Variants in ROBO1 observed in about 807,000 individuals in gnomAD.
ROBO1 encodes roundabout homolog 1.
In ROBO1, 149 loss-of-function variants were observed where a neutral mutation model predicts 195.9. The ratio of observed to expected loss-of-function variants is 0.76; its 90% confidence interval spans 0.67 to 0.87. The LOEUF (loss-of-function observed/expected upper bound fraction) is 0.87, where lower values mean the gene tolerates loss of function less well. Ranked by LOEUF, ROBO1 falls within the 40% of genes least tolerant of loss-of-function variation. The probability of loss-of-function intolerance (pLI) is 0.00; values close to 1 mark genes in which losing one functional copy is unlikely to be tolerated. For synonymous variants in ROBO1, 816 were observed against 733.2 expected (o/e 1.11, Z -1.82); for missense variants, 1,933 against 2,068.3 (o/e 0.93, Z 1.27).
At chr3:78,818,035 T>C (rs2030332649) in intron 4 of ROBO1, among the ~76,000 whole-genome samples, 1 of 152,184 alleles carries the variant, frequency 6.6e-6, no homozygotes. Flanking sequence ...CAAAACCACT[T>C]GAACAGCTAC....
At chr3:79,123,767 T>G (rs2108567975) in intron 3 of ROBO1, among the ~76,000 whole-genome samples, 1 of 152,156 alleles carries the variant, frequency 6.6e-6, no homozygotes, top group South Asian at 2.1e-4. Flanking sequence ...TTTATAAGTT[T>G]ATTTCCTCAT....
intron 4 of ROBO1, among the ~76,000 whole-genome samples, chr3:78,871,999 G>C (rs2035581048): frequency 6.6e-6 from 1 of 152,110 alleles, no homozygotes; most frequent in South Asian, 2.1e-4. Context: ...AAACACAAGA[G>C]CTTTTCTGTC....
chr3:79,473,964 G>A (rs1330645397), intron 2 of ROBO1, among the ~76,000 whole-genome samples: 1 of 152,108 alleles, frequency 6.6e-6, no homozygotes, highest in Non-Finnish European at 1.5e-5. Context: ...ACAGTAAAAT[G>A]AGTAAAGCAA....
chr3:78,648,745 A>T (rs2107606809), intron 19 of ROBO1, among the ~76,000 whole-genome samples: 1 of 152,254 alleles, frequency 6.6e-6, no homozygotes, highest in African/African-American at 2.4e-5. Flanking sequence ...CTTTAAAATA[A>T]TCTTTAGTAG....
Position 79,474,141 on chromosome 3 carries a change from A to C in ROBO1, c.88+115683T>G, listed in dbSNP as rs376964308. 2.6e-5 allele frequency among the ~76,000 whole-genome samples: 4 copies of C among 152,140 alleles called. No individual in the cohort carries two copies. The East Asian group carries it at 5.8e-4, about 22-fold the overall frequency. ...ATGTTAGTCAAAAACAGATGACCTCATGCTCTTTCAAGCTTTATACAAGAT... is the reference window on the plus strand; with the variant it reads ...ATGTTAGTCAAAAACAGATGACCTCCTGCTCTTTCAAGCTTTATACAAGAT... On this transcript the variant is annotated intron_variant, in intron 2 of 30. Coordinates refer to ENST00000464233, the MANE Select transcript of ROBO1 (RefSeq NM_002941.4).
At chr3:78,747,737 T>C (rs1036406503) in intron 4 of ROBO1, among the ~76,000 whole-genome samples, 2 of 152,190 alleles carry the variant, frequency 1.3e-5, no homozygotes, top group African/African-American at 4.8e-5. Context: ...AATATTAACA[T>C]ACTGTAAAAC....
rs554094884 is a variant in ROBO1, at chr3:78,827,130, T to C, written c.500-80230A>G. Among the ~76,000 whole-genome samples the C allele has an allele frequency of 5.9e-5, 9 of 152,294 alleles. No homozygotes were observed. The East Asian group carries it at 7.7e-4, about 13-fold the overall frequency. On this transcript the variant is annotated intron_variant, in intron 4 of 30. Coordinates refer to ENST00000464233, the MANE Select transcript of ROBO1 (RefSeq NM_002941.4). ...AGTTAATTTTAATTTCAATTGAATA[T>C]AGAATACTCAATCCATGTGTTTCAA... is the stretch of plus-strand genomic sequence containing the variant.
intron 2 of ROBO1, among the ~76,000 whole-genome samples, chr3:79,438,941 C>A (rs1375899746): frequency 6.6e-6 from 1 of 151,982 alleles, no homozygotes; most frequent in Non-Finnish European, 1.5e-5. Flanking sequence ...GGTATGAAAT[C>A]CTTCCCTTTA....
chr3:78,692,064 A>G (rs895466622), intron 8 of ROBO1, among the ~76,000 whole-genome samples: 11 of 151,482 alleles, frequency 7.3e-5, no homozygotes, highest in African/African-American at 2.4e-4. Flanking sequence ...AATAAAGTAT[A>G]TAAGTATTCA....
chr3:79,219,397 A>G (rs2082101698), intron 2 of ROBO1, among the ~76,000 whole-genome samples: 1 of 151,968 alleles, frequency 6.6e-6, no homozygotes, highest in Non-Finnish European at 1.5e-5. Flanking sequence ...TTTTTAATGG[A>G]CATGTTAGCT....
chr3:78,607,868 A>G (rs1703557773), intron 28 of ROBO1, among the ~76,000 whole-genome samples: 1 of 152,202 alleles, frequency 6.6e-6, no homozygotes. Flanking sequence ...AATCAGAACC[A>G]GGACTAACCA....
At chr3:78,771,235 A>G (rs57046576) in intron 4 of ROBO1, among the ~76,000 whole-genome samples, 37,760 of 151,926 alleles carry the variant, frequency 0.25, 4,849 homozygotes, top group Non-Finnish European at 0.27. Context: ...TGGGTTCTCT[A>G]TTCCATTGCA....
At chr3:78,791,620 C>T (rs1410994151) in intron 4 of ROBO1, among the ~76,000 whole-genome samples, 4 of 152,104 alleles carry the variant, frequency 2.6e-5, no homozygotes, top group Admixed American at 6.5e-5. Context: ...GAGCTTCAGA[C>T]TCCTAAAAAT....
chr3:79,416,964 A>C (rs773280123), intron 2 of ROBO1, among the ~76,000 whole-genome samples: 30 of 152,224 alleles, frequency 2.0e-4, no homozygotes, highest in Non-Finnish European at 4.0e-4. Context: ...TCAGTTAAAA[A>C]AGTAACAATA....
chr3:78,931,327 G>A (rs1489507417), intron 4 of ROBO1, among the ~76,000 whole-genome samples: 2 of 128,358 alleles, frequency 1.6e-5, no homozygotes, highest in East Asian at 2.6e-4. Context: ...TGCAACCTCC[G>A]CCTCCCAGGT....
intron 3 of ROBO1, among the ~76,000 whole-genome samples, chr3:78,941,209 G>A (rs1353049762): frequency 1.3e-5 from 2 of 152,104 alleles, no homozygotes; most frequent in African/African-American, 2.4e-5. Context: ...CTTTAGCTTA[G>A]TGCACGTATA....
At chr3:78,884,724 A>G (rs1285069640) in intron 4 of ROBO1, among the ~76,000 whole-genome samples, 3 of 150,132 alleles carry the variant, frequency 2.0e-5, no homozygotes, top group African/African-American at 7.4e-5. Context: ...AGGAAAGGAA[A>G]GGAAGGAAGG....
chr3:78,871,052 TA>T (rs1328109264), intron 4 of ROBO1, among the ~76,000 whole-genome samples: 4 of 152,188 alleles, frequency 2.6e-5, no homozygotes, highest in African/African-American at 9.7e-5. Context: ...CGTTAGCTGT[TA>T]GGGTGCTATC....
At chr3:79,465,679 T>C (rs771153956) in intron 2 of ROBO1, among the ~76,000 whole-genome samples, 2 of 152,114 alleles carry the variant, frequency 1.3e-5, no homozygotes, top group Non-Finnish European at 2.9e-5. Flanking sequence ...TTAAAGTAGT[T>C]TGCCCATTGC....
Sources: gnomAD v4.1 joint callset for allele counts (sites outside exome capture counted in the v4.1 genomes callset) on GRCh38, gnomAD v4.1.1 for gene constraint, MANE v1.5 for transcripts, NCBI Gene and HGNC (gene_info 2026-07-23, HGNC 2026-07-21) for gene names.